The following DLC1 variants were observed in gnomAD, a reference collection of about 807,000 sequenced individuals.
DLC1 encodes DLC1 Rho GTPase activating protein.
In DLC1, 54 loss-of-function variants were observed where a neutral mutation model predicts 140.3. The ratio of observed to expected loss-of-function variants is 0.38; its 90% CI spans 0.31 to 0.48. The LOEUF (loss-of-function observed/expected upper bound fraction) is 0.48, where lower values mean the gene tolerates loss of function less well. Among genes scored for constraint, DLC1 ranks in the 20% least tolerant of loss-of-function variants. The probability of loss-of-function intolerance (pLI) is 0.96; values close to 1 mark genes in which losing one functional copy is unlikely to be tolerated. For synonymous variants in DLC1, 986 were observed against 728.1 expected, an observed-to-expected ratio of 1.35 and a Z score of -5.70; for missense variants, 2,536 against 1,907.0, an observed-to-expected ratio of 1.33 and a Z score of -6.14.
At chr8:13,445,571 C>T (rs933703946) in intron 2 of DLC1, among the ~76,000 whole-genome samples, 1 of 152,116 alleles carries the variant, frequency 6.6e-6, no homozygotes, top group Non-Finnish European at 1.5e-5. Flanking sequence ...TCAAAAAGAG[C>T]AGAGCACTTG....
At chr8:13,331,693 C>T (rs868066136) in intron 4 of DLC1, among the ~76,000 whole-genome samples, 1 of 152,104 alleles carries the variant, frequency 6.6e-6, no homozygotes, top group African/African-American at 2.4e-5. Context: ...AAAAAATCCC[C>T]ACCAAATCCA....
intron 2 of DLC1, among the ~76,000 whole-genome samples, chr8:13,462,494 C>A (rs1018780788): frequency 6.6e-6 from 1 of 151,346 alleles, no homozygotes; most frequent in African/African-American, 2.4e-5. Flanking sequence ...AGCTCCGCCT[C>A]CCAGGTTCAC....
At chr8:13,408,634 G>A (rs776119952) in intron 2 of DLC1, among the ~76,000 whole-genome samples, 4 of 152,110 alleles carry the variant, frequency 2.6e-5, no homozygotes, top group Non-Finnish European at 4.4e-5. Flanking sequence ...AAATCATTTC[G>A]TAAGTATGCT....
intron 2 of DLC1, among the ~76,000 whole-genome samples, chr8:13,447,415 T>C (rs1008141637): frequency 9.8e-5 from 15 of 152,328 alleles, no homozygotes; most frequent in Non-Finnish European, 1.8e-4. Context: ...TTCAGGCAAA[T>C]ATGTGGCTGT....
At chr8:13,165,380 A>C (rs370345351) in intron 5 of DLC1, among the ~76,000 whole-genome samples, 1 of 152,230 alleles carries the variant, frequency 6.6e-6, no homozygotes, top group Admixed American at 6.5e-5. Context: ...TTCGCGTGAC[A>C]CACGGAAAGG....
chr8:13,354,218 A>C (rs1834815717), intron 4 of DLC1, among the ~76,000 whole-genome samples: 1 of 152,190 alleles, frequency 6.6e-6, no homozygotes, highest in Admixed American at 6.5e-5. Context: ...TGCTAAAATG[A>C]CTTTTTCTAG....
chr8:13,103,121 T>G (rs1819240519), intron 7 of DLC1, among the ~76,000 whole-genome samples: 1 of 151,774 alleles, frequency 6.6e-6, no homozygotes, highest in South Asian at 2.1e-4. Context: ...CCATCCTGGC[T>G]AACACGGTGA....
intron 1 of DLC1, among the ~76,000 whole-genome samples, chr8:13,595,531 T>A (rs969812977): frequency 2.0e-5 from 3 of 152,088 alleles, no homozygotes; most frequent in Non-Finnish European, 1.5e-5. Flanking sequence ...AAATACCAGA[T>A]AAATGTTAAA....
intron 2 of DLC1, among the ~76,000 whole-genome samples, chr8:13,427,194 C>A (rs1469567657): frequency 6.6e-6 from 1 of 152,182 alleles, no homozygotes; most frequent in Non-Finnish European, 1.5e-5. Context: ...GTTAATGCCC[C>A]AGCTTTGCAG....
intron 5 of DLC1, among the ~76,000 whole-genome samples, chr8:13,235,954 A>T (rs1233569921): frequency 1.3e-5 from 2 of 149,274 alleles, no homozygotes; most frequent in Non-Finnish European, 3.0e-5. Flanking sequence ...AGTAAGAAGC[A>T]GGAAGAAGTA....
chr8:13,536,993 T>G (rs914904110), intron 1 of DLC1, among the ~76,000 whole-genome samples: 1 of 152,168 alleles, frequency 6.6e-6, no homozygotes, highest in Non-Finnish European at 1.5e-5. Context: ...ATTAACATAT[T>G]TCTTGTTAAG....
At chr8:13,594,421 C>G (rs1315556976) in intron 1 of DLC1, among the ~76,000 whole-genome samples, 1 of 152,000 alleles carries the variant, frequency 6.6e-6, no homozygotes, top group Non-Finnish European at 1.5e-5. Context: ...AACGTAATTC[C>G]TTGCTTCTGT....
At chr8:13,551,408 C>G (rs1490117312) in intron 1 of DLC1, among the ~76,000 whole-genome samples, 5 of 152,002 alleles carry the variant, frequency 3.3e-5, no homozygotes, top group Non-Finnish European at 2.9e-5. Context: ...ATTTCCATAT[C>G]TCTGTTTCCT....
chr8:13,319,750 G>A (rs1624786), intron 4 of DLC1, among the ~76,000 whole-genome samples: 129,618 of 149,940 alleles, frequency 0.86, 56,342 homozygotes, highest in Middle Eastern at 0.96. Context: ...CTTTATAACA[G>A]TGCAAGAGCG....
chr8:13,402,388 ATTAG>A (rs1483996405), intron 2 of DLC1, among the ~76,000 whole-genome samples: 13 of 152,222 alleles, frequency 8.5e-5, no homozygotes, highest in Non-Finnish European at 1.6e-4. Context: ...AGTCAAGTCA[ATTAG>A]TTCTAGGAAT....
intron 7 of DLC1, among the ~76,000 whole-genome samples, chr8:13,110,003 T>G (rs1253406431): frequency 1.3e-5 from 2 of 152,196 alleles, no homozygotes; most frequent in Non-Finnish European, 2.9e-5. Context: ...GTGTATAATT[T>G]TTTTCCCCCA....
intron 5 of DLC1, among the ~76,000 whole-genome samples, chr8:13,302,657 T>G (rs968384272): frequency 1.5e-5 from 2 of 135,614 alleles, no homozygotes; most frequent in African/African-American, 2.8e-5. Context: ...TCACACAGAT[T>G]AAAAATAGAC....
chr8:13,454,584 C>T (rs1348332025), intron 2 of DLC1, among the ~76,000 whole-genome samples: 1 of 152,120 alleles, frequency 6.6e-6, no homozygotes, highest in Non-Finnish European at 1.5e-5. Context: ...GAGATAGGGT[C>T]TTGCTCTGTC....
chr8:13,420,629 C>G (rs1838274206), intron 2 of DLC1, among the ~76,000 whole-genome samples: 3 of 152,256 alleles, frequency 2.0e-5, no homozygotes, highest in African/African-American at 4.8e-5. Flanking sequence ...TTGTTCAACT[C>G]TCACTTATGA....
Sources: allele counts gnomAD v4.1 joint callset (sites outside exome capture counted in the v4.1 genomes callset), GRCh38; gene constraint gnomAD v4.1.1; transcripts MANE v1.5; gene names NCBI Gene and HGNC (gene_info 2026-07-23, HGNC 2026-07-21).